IQCN: variants seen among roughly 807,000 people sequenced by gnomAD.
IQCN encodes IQ motif containing N, also known as IQ domain-containing protein N.
A neutral mutation model predicts 64.4 loss-of-function variants in IQCN; 46 were observed. The ratio of observed to expected loss-of-function variants is 0.71; its 90% CI spans 0.56 to 0.91. The LOEUF (loss-of-function observed/expected upper bound fraction) is 0.91. IQCN is among the 40% of genes least tolerant of loss of function. The pLI is 0.00. For missense variants in IQCN, 1,753 were observed against 1,857.4 expected, an observed-to-expected ratio of 0.94 and a Z score of 1.03; for synonymous variants, 733 against 775.6, an observed-to-expected ratio of 0.95 and a Z score of 0.91.
In IQCN at chr19:18,266,761, C is replaced by T; in HGVS notation, c.779G>A (p.Cys260Tyr). 6.2e-7 allele frequency: 1 copy of T among 1,614,158 alleles called. No homozygotes were observed. Among genetic ancestry groups the T allele is most frequent in the Non-Finnish European group, 8.5e-7 (1 of 1,180,022 alleles). ...GCTTCTGATGGTTCTGGTCAGCAGG[C>T]ATGGCTGGCATTTTGCGTCCAGACT... ...PVSLDAKCQPCLLTRTIRSTC... is the reference protein window; with the variant it reads ...PVSLDAKCQPYLLTRTIRSTC... The change falls in exon 3 of 4, where the codon TGC becomes TAC. Residue 260 changes from cysteine (C) to tyrosine (Y), a missense_variant. Coordinates refer to ENST00000392413, the MANE Select transcript of IQCN (RefSeq NM_001145304.2). The surrounding 1 kb of genome is among the most constrained non-coding windows in gnomAD (Gnocchi z 4.3).
chr19:18,272,749 T>A (rs1270848858), intron 1 of IQCN, among the ~76,000 whole-genome samples: 1 of 151,990 alleles, frequency 6.6e-6, no homozygotes, highest in African/African-American at 2.4e-5. Context: ...TAGCTGGGAC[T>A]ACAGGCGCCT....
In IQCN at chr19:18,267,135, C is replaced by T. The variant is rs753887241; in HGVS notation, c.405G>A (p.Glu135=). 6.2e-7 allele frequency: 1 copy of T among 1,614,246 alleles called. No individual in the cohort carries two copies. Among genetic ancestry groups the T allele is most frequent in the Non-Finnish European group, 8.5e-7 (1 of 1,180,048 alleles). Residue 135 remains glutamate, a synonymous_variant, in exon 3 of 4, where the codon GAG becomes GAA. Transcript: ENST00000392413. Reference sequence around the variant, plus strand: ...GTCTCTTGTTGAAGCGCCGCCAGGCCTCCTGGATGGCCTTGGCCGCCATCA... The same window carrying T: ...GTCTCTTGTTGAAGCGCCGCCAGGCTTCCTGGATGGCCTTGGCCGCCATCA... ...SQMMAAKAIQ[E]AWRRFNKRHI...
intron 3 of IQCN, chr19:18,262,455 G>A (rs544166981): frequency 6.5e-6 from 1 of 152,910 alleles, no homozygotes; most frequent in Admixed American, 6.5e-5. Context: ...GGCTTGAGAT[G>A]GCTGGGCTAG....
intron 1 of IQCN, among the ~76,000 whole-genome samples, chr19:18,272,885 C>T (rs1399741918): frequency 6.6e-6 from 1 of 152,078 alleles, no homozygotes; most frequent in Non-Finnish European, 1.5e-5. Context: ...GCTGGGATTA[C>T]AGGCGTGAGC....
At position 18,266,050 on chromosome 19, in the gene IQCN, A is replaced by G; in HGVS notation, c.1490T>C (p.Leu497Pro). 6.2e-7 allele frequency: 1 copy of G among 1,613,262 alleles called. No homozygotes were observed. The highest frequency in any genetic ancestry group is 2.2e-5 in the East Asian group (1 of 44,776). ...GVTKPSPQTRLPAMITKTPAQ... is the reference protein window; with the variant it reads ...GVTKPSPQTRPPAMITKTPAQ... Reference sequence around the variant, plus strand: ...TGGGGTCTTGGTTATCATGGCTGGCAGGCGGGTCTGGGGTGAGGGCTTGGT... The same window carrying G: ...TGGGGTCTTGGTTATCATGGCTGGCGGGCGGGTCTGGGGTGAGGGCTTGGT... The change falls in exon 3 of 4, where the codon CTG (leucine) becomes CCG (proline). Residue 497 changes from leucine (L) to proline (P), a missense_variant. Transcript: ENST00000392413. The surrounding 1 kb of genome is among the most constrained non-coding windows in gnomAD (Gnocchi z 4.3).
chr19:18,272,633 C>T (rs1314848627), intron 1 of IQCN, among the ~76,000 whole-genome samples: 2 of 141,128 alleles, frequency 1.4e-5, no homozygotes, highest in East Asian at 2.0e-4. Flanking sequence ...TTTTTTGAGA[C>T]GGAGTCTCGT....
In IQCN at chr19:18,267,020, G is replaced by T; in HGVS notation, c.520C>A (p.Gln174Lys). 2 of 1,614,246 alleles carry T rather than the reference G, an allele frequency of 1.2e-6. No individual in the cohort carries two copies. The highest frequency in any genetic ancestry group is 1.7e-6 in the Non-Finnish European group (2 of 1,180,044). The change falls in exon 3 of 4, where the codon CAG (glutamine) becomes AAG (lysine). Residue 174 changes from glutamine (Q) to lysine (K), a missense_variant. Physicochemically the swap from Gln to Lys is moderately conservative, Grantham distance 53. Coordinates refer to ENST00000392413, the MANE Select transcript of IQCN (RefSeq NM_001145304.2). ...PYHAPQQVRF[Q>K]HPEENRLLSP... ...AGAAGGCGGTTCTCTTCCGGATGCT[G>T]GAAGCGCACCTGCTGTGGGGCGTGA...
chr19:18,265,989 A>G lies in IQCN; in HGVS notation c.1551T>C (p.Thr517=). ...CCACTGTTGGAGAGGCCAGACACAG[A>G]GTCTTGAGGATGGTGGCCACCGAGC... ...QLRSVATILK[T]LCLASPTVAN... Residue 517 remains threonine, a synonymous_variant, in exon 3 of 4, where the codon ACT becomes ACC. Transcript: ENST00000392413. This position sits in a 1 kb window ranked among gnomAD's most constrained non-coding sequence, Gnocchi z 4.7. 2.5e-6 allele frequency: 4 copies of G among 1,613,778 alleles called. No homozygotes were observed. The highest frequency in any genetic ancestry group is 2.2e-5 in the East Asian group (1 of 44,842).
At position 18,267,539 on chromosome 19, in the gene IQCN, C is replaced by A; in HGVS notation, c.14-13G>T. 6.6e-7 allele frequency: 1 copy of A among 1,512,554 alleles called. No individual in the cohort carries two copies. Among genetic ancestry groups the A allele is most frequent in the Non-Finnish European group, 8.8e-7 (1 of 1,133,454 alleles). 93.7% of individuals were successfully genotyped at this position (1,512,554 alleles called of 1,614,324 possible). On this transcript the variant is annotated splice_polypyrimidine_tract_variant and intron_variant, in intron 2 of 3. Transcript: ENST00000392413. Reference sequence around the variant, plus strand: ...AGGTCAGCTCTGCCTGTGGGGGCGGCAGGGGGTGGTCAGGGTGTAGCAGGT... The same window carrying A: ...AGGTCAGCTCTGCCTGTGGGGGCGGAAGGGGGTGGTCAGGGTGTAGCAGGT...
Position 18,257,610 on chromosome 19 carries a change from T to C in IQCN, c.3674A>G (p.Gln1225Arg). The C allele has an allele frequency of 6.2e-7, 1 of 1,612,802 alleles. No individual in the cohort carries two copies. The highest frequency in any genetic ancestry group is 2.2e-5 in the East Asian group (1 of 44,884). ...GTGGCAGACGCTGCAAGCGTGTGCC[T>C]GGCAGGACTGGAAGCAGCGATGGTC... Reference protein sequence around the residue: ...VSDHRCFQSCQAHACSVCHSL... With the variant: ...VSDHRCFQSCRAHACSVCHSL... The change falls in exon 4 of 4, where the codon CAG becomes CGG. Residue 1225 changes from glutamine (Q) to arginine (R), a missense_variant. By Grantham distance (43) the Gln-to-Arg change is conservative (BLOSUM62 1). Coordinates refer to ENST00000392413, the MANE Select transcript of IQCN (RefSeq NM_001145304.2).
At chr19:18,263,454 C>T (rs562241128) in intron 3 of IQCN, among the ~76,000 whole-genome samples, 8 of 152,286 alleles carry the variant, frequency 5.3e-5, no homozygotes, top group East Asian at 1.9e-4. Flanking sequence ...ACCCTGTGTT[C>T]GATTCCTCCC....
rs755262230 is a variant in IQCN at position 18,266,076 on chromosome 19, C to T, written c.1464G>A (p.Val488=). 3 of 1,613,234 alleles carry T rather than the reference C, an allele frequency of 1.9e-6. No individual in the cohort carries two copies. The highest frequency in any genetic ancestry group is 1.7e-5 in the Admixed American group (1 of 59,952). ...KTSSQRSPVG[V]TKPSPQTRLP... Reference sequence around the variant, plus strand: ...GGCGGGTCTGGGGTGAGGGCTTGGTCACCCCAACTGGGCTCCTCTGGGATG... The same window carrying T: ...GGCGGGTCTGGGGTGAGGGCTTGGTTACCCCAACTGGGCTCCTCTGGGATG... The change falls in exon 3 of 4, where the codon GTG becomes GTA. Residue 488 remains valine (V), a synonymous_variant. Coordinates refer to ENST00000392413, the MANE Select transcript of IQCN (RefSeq NM_001145304.2). This position sits in a 1 kb window ranked among gnomAD's most constrained non-coding sequence, Gnocchi z 4.3.
rs144766838 is a variant in IQCN, at chr19:18,269,473, G to A, written c.6C>T (p.Thr2=). ...CATAGACCATCTTCTTACCTTGAAG[G>A]GTCATAGATTTGGAGGAGTAGCAGG... M[T]LQGRADLSGN... Residue 2 remains threonine, a synonymous_variant, in exon 2 of 4, where the codon ACC becomes ACT. Transcript: ENST00000392413. The A allele has an allele frequency of 1.9e-5, 30 of 1,613,960 alleles. No individual in the cohort carries two copies. In the South Asian group the frequency reaches 2.0e-4, roughly 11 times the overall value.
Position 18,264,575 on chromosome 19 carries a change from G to A in IQCN, c.2965C>T (p.Gln989Ter), listed in dbSNP as rs945801552. 11 of 1,551,302 alleles carry A rather than the reference G, an allele frequency of 7.1e-6. No homozygotes were observed. Among genetic ancestry groups the A allele is most frequent in the Non-Finnish European group, 9.6e-6 (11 of 1,146,960 alleles). ...CCCAGCTCACCCTGACACAGGGCCT[G>A]GCTCAGAGCCACCCACTCCTCCTCC... Reference protein sequence around the residue: ...LTEEEWVALSQALCQGELGAL... With the variant: ...LTEEEWVALS The change falls in exon 3 of 4, where the codon CAG becomes TAG. Residue 989 changes from glutamine (Q) to a stop codon, truncating the protein, a stop_gained. Coordinates refer to ENST00000392413, the MANE Select transcript of IQCN (RefSeq NM_001145304.2). LOFTEE classifies it high-confidence loss of function. The surrounding 1 kb of genome is among the most constrained non-coding windows in gnomAD (Gnocchi z 4.3).
chr19:18,264,977 T>C lies in IQCN; in HGVS notation c.2563A>G (p.Thr855Ala), dbSNP rs115767872. 565 of 1,607,858 alleles carry C rather than the reference T, an allele frequency of 3.5e-4. 1 individual carries two copies. In the African/African-American group the frequency reaches 6.5e-3, roughly 18 times the overall value. Reference sequence around the variant, plus strand: ...CCGGGCATTGATGGCTGGGCACGTGTGGCTCCGTTGTCTCCCCAGGACTCA... The same window carrying C: ...CCGGGCATTGATGGCTGGGCACGTGCGGCTCCGTTGTCTCCCCAGGACTCA... Reference protein sequence around the residue: ...NVESWGDNGATRAQPSMPGQA... With the variant: ...NVESWGDNGAARAQPSMPGQA... The change falls in exon 3 of 4, where the codon ACA becomes GCA. Residue 855 changes from threonine (T) to alanine (A), a missense_variant. Physicochemically the swap from Thr to Ala is moderately conservative, Grantham distance 58. Transcript: ENST00000392413. This position sits in a 1 kb window ranked among gnomAD's most constrained non-coding sequence, Gnocchi z 4.3.
chr19:18,258,787 T>C (rs1477271), intron 3 of IQCN: 59,189 of 226,810 alleles, frequency 0.26, 8,057 homozygotes, highest in Admixed American at 0.35. Context: ...ATGACGTGAG[T>C]GACAGACCCC....
At position 18,264,573 on chromosome 19, in the gene IQCN, C is replaced by T; in HGVS notation, c.2967G>A (p.Gln989=). 1 of 1,551,464 alleles carries T rather than the reference C, an allele frequency of 6.4e-7. No homozygotes were observed. ...CACCCAGCTCACCCTGACACAGGGC[C>T]TGGCTCAGAGCCACCCACTCCTCCT... is the stretch of plus-strand genomic sequence containing the variant. ...LTEEEWVALS[Q]ALCQGELGAL... is the part of the protein sequence containing the mutation. Residue 989 remains glutamine (Q), a synonymous_variant, in exon 3 of 4, where the codon CAG becomes CAA. Coordinates refer to ENST00000392413, the MANE Select transcript of IQCN (RefSeq NM_001145304.2). This position sits in a 1 kb window ranked among gnomAD's most constrained non-coding sequence, Gnocchi z 4.3.
In IQCN at chr19:18,266,647, A is replaced by G; in HGVS notation, c.893T>C (p.Leu298Ser). The change falls in exon 3 of 4, where the codon TTG (leucine) becomes TCG (serine). Residue 298 changes from leucine to serine, a missense_variant. Leu to Ser is a moderately radical substitution (Grantham distance 145). Coordinates refer to ENST00000392413, the MANE Select transcript of IQCN (RefSeq NM_001145304.2). This position sits in a 1 kb window ranked among gnomAD's most constrained non-coding sequence, Gnocchi z 4.3. Reference sequence around the variant, plus strand: ...AACTGCCTGGTCATACCTTCTGGACAATGGTGTCTCCGGAGCCCTGGCTTT... The same window carrying G: ...AACTGCCTGGTCATACCTTCTGGACGATGGTGTCTCCGGAGCCCTGGCTTT... ...TNKARAPETP[L>S]SRRYDQAVTR... The G allele has an allele frequency of 1.2e-6, 2 of 1,614,040 alleles. No individual in the cohort carries two copies. Among genetic ancestry groups the G allele is most frequent in the Non-Finnish European group, 1.7e-6 (2 of 1,180,002 alleles).
Position 18,267,330 on chromosome 19 carries a change from G to A in IQCN, c.210C>T (p.Ala70=), listed in dbSNP as rs774240458. The change falls in exon 3 of 4, where the codon GCC becomes GCT. Residue 70 remains alanine (A), a synonymous_variant. Transcript: ENST00000392413. ...CGCGGCGGGACGCCGTCTTGCCTTC[G>A]GCAGGCTGTTGCGGAAGATGCTCCT... is the stretch of plus-strand genomic sequence containing the variant. ...KSKEHLPQQP[A]EGKTASRRVP... is the part of the protein sequence containing the mutation. 6.2e-6 allele frequency: 10 copies of A among 1,614,160 alleles called. No individual in the cohort carries two copies. The highest frequency in any genetic ancestry group is 2.2e-5 in the East Asian group (1 of 44,890).
Sources: gnomAD v4.1 joint callset for allele counts (sites outside exome capture counted in the v4.1 genomes callset) on GRCh38, gnomAD v4.1.1 for gene constraint, Gnocchi (gnomAD v3.1) non-coding constraint, MANE v1.5 for transcripts, NCBI Gene and HGNC (gene_info 2026-07-23, HGNC 2026-07-21) for gene names.